LRP1B: variants seen among roughly 807,000 people sequenced by gnomAD.
LRP1B encodes the protein low-density lipoprotein receptor-related protein 1B.
LRP1B carries 217 observed loss-of-function variants against 556.6 expected under a neutral mutation model. That is an observed-to-expected ratio of 0.39 (90% CI 0.35 to 0.44). The LOEUF (loss-of-function observed/expected upper bound fraction) is 0.44. Among genes scored for constraint, LRP1B ranks in the 20% least tolerant of loss-of-function variants. LRP1B has a pLI of 1.00. For synonymous variants in LRP1B, 2,047 were observed against 1,865.8 expected (o/e 1.10, Z -2.50); for missense variants, 5,053 against 5,620.8 (o/e 0.90, Z 3.23).
At chr2:141,314,376 ATT>A (rs1404198262) in intron 3 of LRP1B, among the ~76,000 whole-genome samples, 2 of 152,184 alleles carry the variant, frequency 1.3e-5, no homozygotes, top group Non-Finnish European at 2.9e-5. Context: ...AATGAATTAC[ATT>A]TTGTTTAAGA....
At chr2:140,955,877 C>A (rs1278513416) in intron 18 of LRP1B, among the ~76,000 whole-genome samples, 1 of 151,650 alleles carries the variant, frequency 6.6e-6, no homozygotes, top group Non-Finnish European at 1.5e-5. Flanking sequence ...ATTCCTCCTC[C>A]TTGCCCCCCA....
chr2:141,857,672 C>T (rs1374480364), intron 1 of LRP1B, among the ~76,000 whole-genome samples: 1 of 152,066 alleles, frequency 6.6e-6, no homozygotes, highest in Non-Finnish European at 1.5e-5. Context: ...TATTTCATCA[C>T]CTCTAGTCTT....
At chr2:141,733,051 G>T (rs1320861528) in intron 2 of LRP1B, among the ~76,000 whole-genome samples, 2 of 152,010 alleles carry the variant, frequency 1.3e-5, no homozygotes, top group African/African-American at 4.8e-5. Flanking sequence ...CAATGGTGGG[G>T]TTCTAGCCAA....
In LRP1B at chr2:141,640,581, G is replaced by A. The variant is rs556595336; in HGVS notation, c.206-160048C>T. 9.2e-5 allele frequency among the ~76,000 whole-genome samples: 14 copies of A among 152,180 alleles called. No homozygotes were observed. The South Asian group carries it at 2.3e-3, about 25-fold the overall frequency. On this transcript the variant is annotated intron_variant, in intron 2 of 90. Transcript: ENST00000389484. ...GCACTTTAGAAGACCAAGGGTGGGCGGATCACTTGAGGTCAAGAGTTTGAG... is the reference window on the plus strand; with the variant it reads ...GCACTTTAGAAGACCAAGGGTGGGCAGATCACTTGAGGTCAAGAGTTTGAG...
At chr2:141,857,668 A>C (rs1392792245) in intron 1 of LRP1B, among the ~76,000 whole-genome samples, 1 of 152,142 alleles carries the variant, frequency 6.6e-6, no homozygotes, top group Non-Finnish European at 1.5e-5. Flanking sequence ...GAAATATTTC[A>C]TCACCTCTAG....
At chr2:140,405,009 G>A (rs1032515661) in intron 66 of LRP1B, among the ~76,000 whole-genome samples, 1 of 152,112 alleles carries the variant, frequency 6.6e-6, no homozygotes, top group Admixed American at 6.5e-5. Context: ...TAAGAAAATG[G>A]AAATTATATA....
intron 2 of LRP1B, among the ~76,000 whole-genome samples, chr2:141,517,513 G>A (rs1684369707): frequency 6.6e-6 from 1 of 152,066 alleles, no homozygotes; most frequent in African/African-American, 2.4e-5. Context: ...TGCAATACTG[G>A]ACCTGATTAT....
At chr2:141,354,775 T>TACA (rs748210992) in intron 3 of LRP1B, among the ~76,000 whole-genome samples, 1 of 150,036 alleles carries the variant, frequency 6.7e-6, no homozygotes, top group African/African-American at 2.4e-5. Flanking sequence ...ACCCTGCAAT[T>TACA]ATAAAAAAAA....
rs72990148 is a variant in LRP1B, at chr2:140,919,443, T to C, written c.3319+3522A>G. Among the ~76,000 whole-genome samples the C allele has an allele frequency of 6.8e-3, 1,035 of 152,262 alleles. 10 individuals carry two copies. The highest frequency in any genetic ancestry group is 0.022 in the African/African-American group (935 of 41,584). ...AGGCACATGACTTCATTCAAGTAAC[T>C]ACCACTGGCAGCAACTAGCAGTGAT... On this transcript the variant is annotated intron_variant, in intron 21 of 90. Transcript: ENST00000389484.
intron 59 of LRP1B, among the ~76,000 whole-genome samples, chr2:140,483,694 G>A (rs1486440958): frequency 8.8e-5 from 12 of 136,558 alleles, no homozygotes; most frequent in Admixed American, 1.6e-4. Flanking sequence ...AGGCTGGAAT[G>A]CAGTGGCATG....
chr2:140,795,307 G>T (rs1337043939), intron 32 of LRP1B, among the ~76,000 whole-genome samples: 1 of 151,864 alleles, frequency 6.6e-6, no homozygotes, highest in Non-Finnish European at 1.5e-5. Flanking sequence ...TCTCATCATT[G>T]GCCTTCTGAG....
rs1161840034 is a variant in LRP1B at position 141,282,125 on chromosome 2, C to A, written c.344-27484G>T. 4.6e-5 allele frequency among the ~76,000 whole-genome samples: 7 copies of A among 151,956 alleles called. No individual in the cohort carries two copies. In the East Asian group the frequency reaches 1.3e-3, roughly 29 times the overall value. On this transcript the variant is annotated intron_variant, in intron 3 of 90. Coordinates refer to ENST00000389484, the MANE Select transcript of LRP1B (RefSeq NM_018557.3). ...AAAAAGTAACTGAACCAATTTTGGA[C>A]CTCATTGCTTTCAAAGGTAATAGAG...
chr2:140,264,347 G>A (rs1558755853), intron 86 of LRP1B, among the ~76,000 whole-genome samples: 1 of 152,030 alleles, frequency 6.6e-6, no homozygotes, highest in South Asian at 2.1e-4. Flanking sequence ...TCCTGCCTTA[G>A]CCTCCCAAGT....
chr2:140,495,559 C>T lies in LRP1B; in HGVS notation c.9034+6G>A, dbSNP rs774787473. On this transcript the variant is annotated splice_donor_region_variant and intron_variant, in intron 56 of 90. Transcript: ENST00000389484. ...GTTGGATCAGTGGGCAAGTTCAATT[C>T]GATACCTGAGAGCGATTTGCAGCCA... The T allele has an allele frequency of 2.5e-6, 4 of 1,571,816 alleles. No individual in the cohort carries two copies. Among genetic ancestry groups the T allele is most frequent in the Non-Finnish European group, 3.5e-6 (4 of 1,148,438 alleles).
intron 1 of LRP1B, among the ~76,000 whole-genome samples, chr2:141,811,126 T>C (rs916313461): frequency 6.6e-6 from 1 of 152,118 alleles, no homozygotes; most frequent in African/African-American, 2.4e-5. Context: ...ACTCATCAGA[T>C]GTTTGTTTTC....
At chr2:140,434,366 G>A (rs766727558) in intron 66 of LRP1B, among the ~76,000 whole-genome samples, 10 of 151,974 alleles carry the variant, frequency 6.6e-5, no homozygotes, top group South Asian at 2.1e-4. Flanking sequence ...CACCATACCC[G>A]GCCGAATAAT....
At chr2:141,395,522 AATTG>A (rs1410316488) in intron 3 of LRP1B, among the ~76,000 whole-genome samples, 2 of 152,124 alleles carry the variant, frequency 1.3e-5, no homozygotes, top group Non-Finnish European at 2.9e-5. Flanking sequence ...ACAATGATGA[AATTG>A]ATTAACAATG....
intron 2 of LRP1B, among the ~76,000 whole-genome samples, chr2:141,765,358 G>C (rs1574336231): frequency 6.6e-6 from 1 of 151,906 alleles, no homozygotes; most frequent in Admixed American, 6.6e-5. Flanking sequence ...TTAGATAAAA[G>C]GTTTTTCATT....
chr2:140,346,129 A>C (rs1281044794), intron 77 of LRP1B, among the ~76,000 whole-genome samples: 1 of 151,514 alleles, frequency 6.6e-6, no homozygotes, highest in African/African-American at 2.4e-5. Flanking sequence ...TATTATTATT[A>C]TTCTATTCTA....
Sources: gnomAD v4.1 joint callset for allele counts (sites outside exome capture counted in the v4.1 genomes callset) on GRCh38, gnomAD v4.1.1 for gene constraint, MANE v1.5 for transcripts, NCBI Gene and HGNC (gene_info 2026-07-23, HGNC 2026-07-21) for gene names.